The following EFCAB6 variants were observed in gnomAD, a reference collection of about 807,000 sequenced individuals.
EFCAB6 encodes the protein EF-hand calcium-binding domain-containing protein 6.
A neutral mutation model predicts 169.8 loss-of-function variants in EFCAB6; 156 were observed. The ratio of observed to expected loss-of-function variants is 0.92; its 90% CI spans 0.81 to 1.05. The LOEUF is 1.05. EFCAB6 is among the 50% of genes least tolerant of loss of function. EFCAB6 has a pLI of 0.00. For synonymous variants in EFCAB6, 698 were observed against 676.4 expected (o/e 1.03, Z -0.50); for missense variants, 1,800 against 1,829.1 (o/e 0.98, Z 0.29).
intron 22 of EFCAB6, among the ~76,000 whole-genome samples, chr22:43,604,751 C>T (rs2147581549): frequency 6.6e-6 from 1 of 152,008 alleles, no homozygotes; most frequent in Non-Finnish European, 1.5e-5. Flanking sequence ...TGCTTTTTCA[C>T]AGTCTCTTCT....
At chr22:43,799,647 A>G (rs936786087) in intron 2 of EFCAB6, among the ~76,000 whole-genome samples, 1 of 152,228 alleles carries the variant, frequency 6.6e-6, no homozygotes, top group Non-Finnish European at 1.5e-5. Flanking sequence ...TTTTTTAAAA[A>G]CATGCAATAG....
chr22:43,622,997 G>C (rs1178151199), intron 20 of EFCAB6, among the ~76,000 whole-genome samples: 1 of 152,218 alleles, frequency 6.6e-6, no homozygotes, highest in Non-Finnish European at 1.5e-5. Context: ...GCTAAGGCAA[G>C]AAAATTTGAG....
In EFCAB6 at chr22:43,590,041, A is replaced by G. The variant is rs764094067; in HGVS notation, c.3032+33T>C. 3.8e-6 allele frequency: 6 copies of G among 1,598,182 alleles called. No individual in the cohort carries two copies. In the Admixed American group the frequency reaches 5.2e-5, roughly 14 times the overall value. Reference sequence around the variant, plus strand: ...ATTCTCCAGTATGTTTTTCAGGGCCATGAGAAACATATTTAACTGAGTCCA... The same window carrying G: ...ATTCTCCAGTATGTTTTTCAGGGCCGTGAGAAACATATTTAACTGAGTCCA... On this transcript the variant is annotated intron_variant, in intron 24 of 31. Coordinates refer to ENST00000262726, the MANE Select transcript of EFCAB6 (RefSeq NM_022785.4).
chr22:43,581,986 A>G (rs2050755194), intron 24 of EFCAB6, among the ~76,000 whole-genome samples: 1 of 152,238 alleles, frequency 6.6e-6, no homozygotes, highest in Non-Finnish European at 1.5e-5. Flanking sequence ...TATAATTACA[A>G]GTAACAGAGA....
intron 4 of EFCAB6, 124 bp downstream of exon 4, chr22:43,772,768 A>G: frequency 9.7e-7 from 1 of 1,030,696 alleles, no homozygotes; most frequent in Non-Finnish European, 1.4e-6. Flanking sequence ...TGAATTATGA[A>G]AAACAAAACT....
chr22:43,595,575 C>G (rs779910885), intron 23 of EFCAB6, among the ~76,000 whole-genome samples: 1 of 152,044 alleles, frequency 6.6e-6, no homozygotes, highest in South Asian at 2.1e-4. Flanking sequence ...AACACACCAA[C>G]AATGAGTAAC....
chr22:43,710,101 G>C (rs761278942), intron 10 of EFCAB6, among the ~76,000 whole-genome samples: 1 of 152,134 alleles, frequency 6.6e-6, no homozygotes, highest in African/African-American at 2.4e-5. Flanking sequence ...CCCCAAAAAA[G>C]GTTCTCTGTC....
chr22:43,571,909 G>A (rs139323160), intron 26 of EFCAB6, among the ~76,000 whole-genome samples: 82 of 152,190 alleles, frequency 5.4e-4, no homozygotes, highest in South Asian at 1.0e-3. Context: ...GGATTTACTC[G>A]TCCTCCTGGT....
intron 2 of EFCAB6, among the ~76,000 whole-genome samples, chr22:43,793,881 G>T (rs200125273): frequency 6.6e-6 from 1 of 152,180 alleles, no homozygotes; most frequent in Admixed American, 6.5e-5. Context: ...ATTTGTTATT[G>T]TTATTAATAC....
chr22:43,575,636 G>A (rs1195181866), intron 26 of EFCAB6, among the ~76,000 whole-genome samples: 2 of 151,972 alleles, frequency 1.3e-5, no homozygotes, highest in Non-Finnish European at 2.9e-5. Context: ...TTAAAGGCAT[G>A]CAACACAATA....
At chr22:43,791,860 A>C (rs2062304833) in intron 2 of EFCAB6, among the ~76,000 whole-genome samples, 1 of 152,202 alleles carries the variant, frequency 6.6e-6, no homozygotes, top group Non-Finnish European at 1.5e-5. Context: ...ACATTTCTTC[A>C]AGATGGGAGA....
chr22:43,608,289 C>T (rs1001404850), intron 22 of EFCAB6, among the ~76,000 whole-genome samples, 193 bp downstream of exon 22: 1 of 152,168 alleles, frequency 6.6e-6, no homozygotes, highest in African/African-American at 2.4e-5. Context: ...CCAACCCATC[C>T]ACCAAGGCTG....
rs181706438 is a variant in EFCAB6, at chr22:43,668,815, C to G, written c.1814+57G>C. ...CAGTTGACAAATAGTTACTAAATAC[C>G]TATTCCATGACAGACACTGTGGTTT... On this transcript the variant is annotated intron_variant, in intron 16 of 31. Transcript: ENST00000262726. The G allele has an allele frequency of 7.6e-4, 1,062 of 1,403,402 alleles. 2 individuals carry two copies. Among genetic ancestry groups the G allele is most frequent in the Middle Eastern group, 5.6e-4 (3 of 5,330 alleles). 86.9% of individuals were successfully genotyped at this position (1,403,402 alleles called of 1,614,324 possible).
At chr22:43,674,936 G>C (rs2057658027) in intron 13 of EFCAB6, among the ~76,000 whole-genome samples, 1 of 151,910 alleles carries the variant, frequency 6.6e-6, no homozygotes, top group African/African-American at 2.4e-5. Flanking sequence ...TGACTCTGAA[G>C]CACTGGCAGT....
At chr22:43,732,110 G>A (rs1444180322) in intron 7 of EFCAB6, among the ~76,000 whole-genome samples, 1 of 152,140 alleles carries the variant, frequency 6.6e-6, no homozygotes, top group Non-Finnish European at 1.5e-5. Context: ...AGTTTCTCCC[G>A]GCTCTGGCAG....
At chr22:43,595,979 A>T (rs1333667364) in intron 23 of EFCAB6, among the ~76,000 whole-genome samples, 1 of 152,244 alleles carries the variant, frequency 6.6e-6, no homozygotes, top group Non-Finnish European at 1.5e-5. Flanking sequence ...TCACATCAAC[A>T]GAATAAAGGA....
intron 17 of EFCAB6, among the ~76,000 whole-genome samples, chr22:43,651,595 C>T (rs889802791): frequency 6.6e-6 from 1 of 152,254 alleles, no homozygotes; most frequent in Non-Finnish European, 1.5e-5. Flanking sequence ...GGCCACCATC[C>T]TCCAAACCCC....
chr22:43,676,437 AG>A lies in EFCAB6; in HGVS notation c.1419+1558del, dbSNP rs369267751. Among the ~76,000 whole-genome samples the A allele has an allele frequency of 4.0e-3, 599 of 150,546 alleles. 5 individuals are homozygous for A. The highest frequency in any genetic ancestry group is 0.014 in the African/African-American group (564 of 41,076). On this transcript the variant is annotated intron_variant, in intron 13 of 31. Transcript: ENST00000262726. The stretch of plus-strand genomic sequence containing the variant: ...CCGTCTCAAAAAAAAAAAAAAAAAA[AG>A]AATGAGTTCAACCATGTAAACAAAA...
Position 43,540,626 on chromosome 22 carries a change from AG to A in EFCAB6, c.3649-270del, listed in dbSNP as rs1426623681. ...AATTGGGCCCTCAGTGAGCACTTTA[AG>A]GCCATTAAATCTTGTGATTAGTCAC... is the stretch of plus-strand genomic sequence containing the variant. On this transcript the variant is annotated intron_variant, in intron 27 of 31. Coordinates refer to ENST00000262726, the MANE Select transcript of EFCAB6 (RefSeq NM_022785.4). 4 of 1,271,594 alleles carry A rather than the reference AG, an allele frequency of 3.1e-6. No homozygotes were observed. The African/African-American group carries it at 6.1e-5, about 19-fold the overall frequency. The allele number at this position is 1,271,594 out of a possible 1,614,324, so 78.8% of individuals were successfully genotyped here.
Sources: gnomAD v4.1 joint callset for allele counts (sites outside exome capture counted in the v4.1 genomes callset) on GRCh38, gnomAD v4.1.1 for gene constraint, MANE v1.5 for transcripts, NCBI Gene and HGNC (gene_info 2026-07-23, HGNC 2026-07-21) for gene names.